Variants in RIGI observed in about 807,000 individuals in gnomAD.
RIGI encodes the protein antiviral innate immune response receptor RIG-I.
the RIGI span, among the ~76,000 whole-genome samples, chr9:32,503,509 TTACTGACTAAAGCTCTTTATTGAC>T: frequency 2.6e-5 from 4 of 152,202 alleles, no homozygotes; most frequent in African/African-American, 9.6e-5. Context: ...CTCAGTCTCC[TTACTGACTAAAGCTCTTTATTGAC>T]TACTGACTAA....
the RIGI span, among the ~76,000 whole-genome samples, chr9:32,509,600 G>C: frequency 0.61 from 91,718 of 151,520 alleles, 27,973 homozygotes; most frequent in Middle Eastern, 0.68. Context: ...TCACCAACAT[G>C]AAAGACCAAG....
At chr9:32,477,805 A>G in the RIGI span, among the ~76,000 whole-genome samples, 2,984 of 152,030 alleles carry the variant, frequency 0.02, 107 homozygotes, top group African/African-American at 0.067. Flanking sequence ...GGCGCCTATA[A>G]TCCCAGCTCC....
chr9:32,480,432 T>A, the RIGI span: 3 of 1,357,964 alleles, frequency 2.2e-6, no homozygotes, highest in Non-Finnish European at 3.0e-6. Context: ...TTCGTTGTAT[T>A]TAACGAATTG....
chr9:32,520,740 A>C, the RIGI span, among the ~76,000 whole-genome samples: 1 of 152,226 alleles, frequency 6.6e-6, no homozygotes, highest in Non-Finnish European at 1.5e-5. Flanking sequence ...CCCCTGTGTC[A>C]TAACAGGGTT....
At chr9:32,464,858 G>A in the RIGI span, among the ~76,000 whole-genome samples, 7 of 152,080 alleles carry the variant, frequency 4.6e-5, no homozygotes, top group East Asian at 1.9e-4. Flanking sequence ...TAAGTGTTAC[G>A]GGAACCCCAA....
At chr9:32,509,845 A>T in the RIGI span, among the ~76,000 whole-genome samples, 7 of 152,064 alleles carry the variant, frequency 4.6e-5, no homozygotes, top group African/African-American at 7.2e-5. Flanking sequence ...CCTTGAAAAA[A>T]GGTTAGAGGA....
the RIGI span, among the ~76,000 whole-genome samples, chr9:32,522,143 T>A: frequency 6.6e-6 from 1 of 152,006 alleles, no homozygotes; most frequent in South Asian, 2.1e-4. Flanking sequence ...ACAGCAGGAG[T>A]TGATTGCATG....
At chr9:32,455,621 A>G in the RIGI span, 2 of 152,122 alleles carry the variant, frequency 1.3e-5, no homozygotes, top group African/African-American at 4.8e-5. Flanking sequence ...AAACCATATC[A>G]AATAGCAATT....
chr9:32,465,513 C>T, the RIGI span, among the ~76,000 whole-genome samples: 1 of 152,182 alleles, frequency 6.6e-6, no homozygotes, highest in African/African-American at 2.4e-5. Flanking sequence ...ATGCCAGGCG[C>T]TAAGAGATGC....
chr9:32,480,412 T>TTAA, the RIGI span: 2 of 1,449,368 alleles, frequency 1.4e-6, no homozygotes, highest in Non-Finnish European at 1.9e-6. Context: ...TTCACTGTAT[T>TTAA]TAAGTTCAAT....
At chr9:32,495,245 A>T in the RIGI span, among the ~76,000 whole-genome samples, 1 of 152,326 alleles carries the variant, frequency 6.6e-6, no homozygotes, top group Non-Finnish European at 1.5e-5. Context: ...TCTGTCACCC[A>T]GGCTAGAGTG....
the RIGI span, among the ~76,000 whole-genome samples, chr9:32,483,505 G>A: frequency 6.6e-6 from 1 of 152,104 alleles, no homozygotes; most frequent in African/African-American, 2.4e-5. Context: ...CTCCATCACC[G>A]TCTCTCCATC....
chr9:32,517,439 T>C, the RIGI span, among the ~76,000 whole-genome samples: 2 of 152,220 alleles, frequency 1.3e-5, no homozygotes, highest in South Asian at 2.1e-4. Flanking sequence ...ACCTACCAAA[T>C]TGGCTTATAA....
chr9:32,493,643 CTA>C, the RIGI span: 3 of 660,758 alleles, frequency 4.5e-6, no homozygotes, highest in Non-Finnish European at 7.2e-6. Context: ...AAGTACTATT[CTA>C]TGAGTACTTT....
the RIGI span, among the ~76,000 whole-genome samples, chr9:32,505,737 A>ACATATATTAATAAATAAAGTT: frequency 1.1e-4 from 16 of 152,328 alleles, no homozygotes; most frequent in Non-Finnish European, 4.4e-5. Flanking sequence ...ATAAATATGT[A>ACATATATTAATAAATAAAGTT]CCTACATCAA....
chr9:32,480,425 G>T, the RIGI span: 1 of 1,394,426 alleles, frequency 7.2e-7, no homozygotes, highest in South Asian at 1.7e-5. Context: ...AGTTCAATTC[G>T]TTGTATTTAA....
At chr9:32,476,976 A>G in the RIGI span, 2 of 1,609,250 alleles carry the variant, frequency 1.2e-6, no homozygotes, top group African/African-American at 1.3e-5. Flanking sequence ...GGAGAAAAAA[A>G]GCTTACGTCC....
the RIGI span, among the ~76,000 whole-genome samples, chr9:32,518,634 G>A: frequency 6.6e-6 from 1 of 152,188 alleles, no homozygotes; most frequent in African/African-American, 2.4e-5. Context: ...CTTGATGAAA[G>A]TAAAATAAGA....
the RIGI span, chr9:32,480,149 A>G: frequency 6.5e-7 from 1 of 1,532,076 alleles, no homozygotes; most frequent in East Asian, 2.3e-5. Flanking sequence ...TAAATGCAAT[A>G]CATGTTTGTT....
Sources: allele counts gnomAD v4.1 joint callset (sites outside exome capture counted in the v4.1 genomes callset), GRCh38; gene constraint gnomAD v4.1.1; transcripts MANE v1.5; gene names NCBI Gene and HGNC (gene_info 2026-07-23, HGNC 2026-07-21).